The following GREB1L variants were observed in gnomAD, a reference collection of about 807,000 sequenced individuals.
The protein encoded by GREB1L is GREB1 like retinoic acid receptor coactivator.
In GREB1L, 17 loss-of-function variants were observed where a neutral mutation model predicts 200.8. That is an observed-to-expected ratio of 0.08 (90% CI 0.06 to 0.13). The LOEUF is 0.13. Ranked by LOEUF, GREB1L falls within the 10% of genes least tolerant of loss-of-function variation. The pLI is 1.00. For synonymous variants in GREB1L, 789 were observed against 893.0 expected, an observed-to-expected ratio of 0.88 and a Z score of 2.08; for missense variants, 1,657 against 2,367.7, an observed-to-expected ratio of 0.70 and a Z score of 6.23.
chr18:21,332,780 CTG>C (rs2145055656), intron 1 of GREB1L, among the ~76,000 whole-genome samples: 1 of 152,184 alleles, frequency 6.6e-6, no homozygotes, highest in African/African-American at 2.4e-5. Flanking sequence ...TGGCCTACCA[CTG>C]TAAAAATTTA....
chr18:21,297,493 A>G (rs764026509), intron 1 of GREB1L, among the ~76,000 whole-genome samples: 8 of 152,126 alleles, frequency 5.3e-5, no homozygotes, highest in African/African-American at 9.7e-5. Flanking sequence ...AAGATTTGTG[A>G]TCAAAGGATG....
chr18:21,347,888 TC>T (rs1387779558), intron 1 of GREB1L, among the ~76,000 whole-genome samples: 1 of 129,914 alleles, frequency 7.7e-6, no homozygotes, highest in Non-Finnish European at 1.6e-5. Context: ...TGCCTCAGCC[TC>T]CCGAGTAGCT....
intron 11 of GREB1L, among the ~76,000 whole-genome samples, 192 bp from the exon 12 acceptor site, chr18:21,449,318 G>C (rs1372571698): frequency 6.6e-6 from 1 of 152,088 alleles, no homozygotes; most frequent in Non-Finnish European, 1.5e-5. Flanking sequence ...GATTGAGGCA[G>C]AAAGAAAAAT....
chr18:21,383,414 T>C, intron 2 of GREB1L, 96 bp from the exon 3 acceptor site: 1 of 880,742 alleles, frequency 1.1e-6, no homozygotes, highest in Non-Finnish European at 1.7e-6. Context: ...ACAAGATATA[T>C]GGACATAGTT....
intron 20 of GREB1L, among the ~76,000 whole-genome samples, 162 bp from the exon 21 acceptor site, chr18:21,496,291 AT>A (rs2036542056): frequency 6.6e-6 from 1 of 152,216 alleles, no homozygotes; most frequent in Admixed American, 6.5e-5. Flanking sequence ...AGTGAAGGTC[AT>A]AACAGCTGGG....
At chr18:21,302,779 T>C (rs754862768) in intron 1 of GREB1L, among the ~76,000 whole-genome samples, 3 of 152,182 alleles carry the variant, frequency 2.0e-5, no homozygotes, top group Non-Finnish European at 4.4e-5. Context: ...TGGAGTGCAG[T>C]GGCGTGATCT....
At chr18:21,352,132 C>T (rs2039442847) in intron 1 of GREB1L, among the ~76,000 whole-genome samples, 1 of 152,106 alleles carries the variant, frequency 6.6e-6, no homozygotes, top group African/African-American at 2.4e-5. Flanking sequence ...AGGCGTGAGC[C>T]ACCACGCCCA....
intron 2 of GREB1L, chr18:21,380,602 C>G (rs2040264883): frequency 6.6e-6 from 1 of 152,152 alleles, no homozygotes; most frequent in Admixed American, 6.5e-5. Context: ...CTGGCTCTAT[C>G]CCTTAATAGT....
chr18:21,509,622 T>G (rs2037157465), intron 27 of GREB1L, among the ~76,000 whole-genome samples: 1 of 152,200 alleles, frequency 6.6e-6, no homozygotes, highest in African/African-American at 2.4e-5. Flanking sequence ...AATATAATTG[T>G]TTATCACTTT....
At chr18:21,301,489 A>G (rs1176565425) in intron 1 of GREB1L, among the ~76,000 whole-genome samples, 1 of 152,248 alleles carries the variant, frequency 6.6e-6, no homozygotes, top group East Asian at 1.9e-4. Context: ...AAAGAAATTT[A>G]GGTCAATAAA....
chr18:21,271,787 A>T (rs1311316145), intron 1 of GREB1L, among the ~76,000 whole-genome samples: 1 of 152,132 alleles, frequency 6.6e-6, no homozygotes, highest in Non-Finnish European at 1.5e-5. Flanking sequence ...TTATCAGGGA[A>T]GGAAAACCTT....
intron 19 of GREB1L, among the ~76,000 whole-genome samples, chr18:21,494,711 T>C (rs1356395840): frequency 6.6e-6 from 1 of 152,176 alleles, no homozygotes; most frequent in East Asian, 1.9e-4. Context: ...TTGCTTATAA[T>C]AACTCCTGCT....
chr18:21,397,627 G>A (rs1489243787), intron 5 of GREB1L, among the ~76,000 whole-genome samples: 3 of 152,142 alleles, frequency 2.0e-5, no homozygotes, highest in African/African-American at 7.2e-5. Flanking sequence ...CGTGAACCCG[G>A]GAGGTGGAGC....
intron 28 of GREB1L, 78 bp downstream of exon 28, chr18:21,514,064 A>G: frequency 7.4e-7 from 1 of 1,349,414 alleles, no homozygotes; most frequent in African/African-American, 1.5e-5. Flanking sequence ...TTACATACGG[A>G]AGTAAGAAAG....
chr18:21,508,713 CG>C (rs1302701607), intron 27 of GREB1L, 122 bp downstream of exon 27: 61 of 353,982 alleles, frequency 1.7e-4, no homozygotes, highest in Non-Finnish European at 2.1e-4. Flanking sequence ...CACCACTCTT[CG>C]GAAAAAAAAA....
At chr18:21,454,750 C>T (rs2034677658) in intron 15 of GREB1L, 187 bp downstream of exon 15, 1 of 611,104 alleles carries the variant, frequency 1.6e-6, no homozygotes, top group African/African-American at 1.8e-5. Context: ...TCCTTTTTCC[C>T]TCAAGGTCAA....
chr18:21,413,601 G>T (rs1324090191), intron 7 of GREB1L, among the ~76,000 whole-genome samples: 1 of 152,146 alleles, frequency 6.6e-6, no homozygotes, highest in Non-Finnish European at 1.5e-5. Context: ...TGAAGGTAGG[G>T]ATTGTATCTT....
chr18:21,358,452 A>T (rs1022797188), intron 1 of GREB1L, among the ~76,000 whole-genome samples: 38 of 152,242 alleles, frequency 2.5e-4, no homozygotes, highest in Middle Eastern at 3.4e-3. Flanking sequence ...AGTAGCTGGG[A>T]CTACAGGCGC....
In GREB1L at chr18:21,469,664, T is replaced by TA. The variant is rs576994276; in HGVS notation, c.2183-3365dup. On this transcript the variant is annotated intron_variant, in intron 15 of 32. Transcript: ENST00000424526. ...GCTAGGAAATGATATGTATGTATAT[T>TA]AACCCATGAATGCACACATATACCT... is the stretch of plus-strand genomic sequence containing the variant. Among the ~76,000 whole-genome samples the TA allele has an allele frequency of 1.8e-4, 27 of 152,346 alleles. No individual in the cohort carries two copies. In the East Asian group the frequency reaches 4.4e-3, roughly 25 times the overall value.
Sources: allele counts gnomAD v4.1 joint callset (sites outside exome capture counted in the v4.1 genomes callset), GRCh38; gene constraint gnomAD v4.1.1; transcripts MANE v1.5; gene names NCBI Gene and HGNC (gene_info 2026-07-23, HGNC 2026-07-21).